MID1: variants seen among roughly 807,000 people sequenced by gnomAD.
The protein encoded by MID1 is E3 ubiquitin-protein ligase Midline-1.
MID1 carries 7 observed loss-of-function variants against 40.4 expected under a neutral mutation model. The ratio of observed to expected loss-of-function variants is 0.17; its 90% CI spans 0.10 to 0.33. The LOEUF is 0.33. Among genes scored for constraint, MID1 ranks in the 10% least tolerant of loss-of-function variants. The pLI is 1.00. For missense variants in MID1, 367 were observed against 558.5 expected, an observed-to-expected ratio of 0.66 and a Z score of 3.46; for synonymous variants, 229 against 221.2, an observed-to-expected ratio of 1.04 and a Z score of -0.31.
intron 3 of MID1, among the ~76,000 whole-genome samples, chrX:10,513,633 C>T (rs1014317971): frequency 1.8e-5 from 2 of 111,865 alleles, no homozygotes; most frequent in South Asian, 3.8e-4. Flanking sequence ...CTCAGCCTCT[C>T]GAGCAGCTGG....
At chrX:10,691,673 A>G (rs1398887846) in intron 1 of MID1, among the ~76,000 whole-genome samples, 1 of 111,991 alleles carries the variant, frequency 8.9e-6, no homozygotes, top group Non-Finnish European at 1.9e-5. Context: ...ACAATATGAA[A>G]TCAGTGCACC....
chrX:10,463,374 T>C (rs926269671), intron 7 of MID1, among the ~76,000 whole-genome samples: 4 of 111,625 alleles, frequency 3.6e-5, no homozygotes, highest in African/African-American at 1.3e-4. Context: ...CAGTAAAAGA[T>C]TTTCTAGTGA....
chrX:10,666,867 G>A (rs2042954356), intron 1 of MID1, among the ~76,000 whole-genome samples: 2 of 111,901 alleles, frequency 1.8e-5, no homozygotes, highest in Non-Finnish European at 1.9e-5. Flanking sequence ...AAAGGCAGGG[G>A]CTTAAATATG....
chrX:10,461,277 G>GTAAT (rs1328509856), intron 7 of MID1, among the ~76,000 whole-genome samples: 2 of 106,285 alleles, frequency 1.9e-5, no homozygotes, highest in African/African-American at 3.5e-5. Flanking sequence ...AAGCAAGAAT[G>GTAAT]TAATTTAGGA....
chrX:10,568,921 T>C (rs868752374), intron 1 of MID1, among the ~76,000 whole-genome samples: 1 of 111,537 alleles, frequency 9.0e-6, no homozygotes, highest in East Asian at 2.8e-4. Context: ...ATGCAGCCCA[T>C]TGCAGGCTGT....
chrX:10,559,298 A>G (rs1215008127), intron 2 of MID1, among the ~76,000 whole-genome samples: 1 of 112,320 alleles, frequency 8.9e-6, no homozygotes, highest in African/African-American at 3.2e-5. Context: ...ATACATATCT[A>G]TATTGCAGAC....
chrX:10,799,063 C>T (rs2043987425), intron 1 of MID1, among the ~76,000 whole-genome samples: 1 of 111,360 alleles, frequency 9.0e-6, no homozygotes, highest in South Asian at 3.8e-4. Context: ...AATCAACCTT[C>T]TAAAATGTCT....
At chrX:10,758,602 T>C (rs929357657) in intron 1 of MID1, among the ~76,000 whole-genome samples, 65 of 102,627 alleles carry the variant, frequency 6.3e-4, no homozygotes, top group African/African-American at 2.1e-3. Flanking sequence ...GCCATTCTCC[T>C]GCCTCAGCCT....
At chrX:10,663,656 C>T (rs923866486) in intron 1 of MID1, among the ~76,000 whole-genome samples, 1 of 110,855 alleles carries the variant, frequency 9.0e-6, no homozygotes, top group African/African-American at 3.3e-5. Flanking sequence ...CCGTGTAAGA[C>T]TGAGCCAAAG....
chrX:10,590,087 T>G, intron 1 of MID1, among the ~76,000 whole-genome samples: 1 of 110,051 alleles, frequency 9.1e-6, no homozygotes, highest in South Asian at 4.0e-4. Context: ...GTGGTTAGAG[T>G]GAAACAGAAC....
chrX:10,550,250 C>T (rs1205119046), intron 2 of MID1, among the ~76,000 whole-genome samples: 2 of 112,612 alleles, frequency 1.8e-5, no homozygotes, highest in African/African-American at 3.2e-5. Context: ...GTCTCTGACA[C>T]AGACGGCTAC....
intron 1 of MID1, among the ~76,000 whole-genome samples, chrX:10,644,298 TA>T (rs1221616445): frequency 9.1e-6 from 1 of 109,839 alleles, no homozygotes; most frequent in Non-Finnish European, 1.9e-5. Flanking sequence ...CTGCTCTCAT[TA>T]AAAAAAAGAA....
At chrX:10,481,439 CATTT>C (rs1190296676) in intron 5 of MID1, among the ~76,000 whole-genome samples, 1 of 111,514 alleles carries the variant, frequency 9.0e-6, no homozygotes, top group African/African-American at 3.3e-5. Context: ...TTTGTTTTTT[CATTT>C]ATTTATTTTT....
chrX:10,643,944 G>A (rs1936233389), intron 1 of MID1, among the ~76,000 whole-genome samples: 1 of 109,264 alleles, frequency 9.2e-6, no homozygotes, highest in South Asian at 4.1e-4. Flanking sequence ...TCATAGGTGG[G>A]AATTGAACAA....
chrX:10,518,015 C>T (rs1602338089), intron 3 of MID1, among the ~76,000 whole-genome samples: 1 of 112,009 alleles, frequency 8.9e-6, no homozygotes, highest in African/African-American at 3.2e-5. Flanking sequence ...GTGGGTACTC[C>T]AACCGCACTA....
chrX:10,827,585 C>A (rs1156672694), intron 1 of MID1, among the ~76,000 whole-genome samples: 1 of 108,671 alleles, frequency 9.2e-6, no homozygotes, highest in Non-Finnish European at 1.9e-5. Flanking sequence ...CCCCACCAAG[C>A]GCGCTGGTTC....
At chrX:10,574,934 A>G (rs1311607817) in intron 1 of MID1, among the ~76,000 whole-genome samples, 1 of 112,622 alleles carries the variant, frequency 8.9e-6, no homozygotes, top group African/African-American at 3.2e-5. Flanking sequence ...TCTGGACTAT[A>G]GAGACTAACT....
chrX:10,628,222 T>G (rs920264399), intron 1 of MID1, among the ~76,000 whole-genome samples: 2 of 111,033 alleles, frequency 1.8e-5, no homozygotes, highest in African/African-American at 3.3e-5. Flanking sequence ...CTTTCTTATA[T>G]TATTCCCCTG....
At chrX:10,607,508 G>C (rs1204292930) in intron 1 of MID1, among the ~76,000 whole-genome samples, 2 of 112,082 alleles carry the variant, frequency 1.8e-5, no homozygotes, top group Non-Finnish European at 3.8e-5. Flanking sequence ...GGAGAATCTA[G>C]ACTGGATGTT....
Sources: gnomAD v4.1 joint callset for allele counts (sites outside exome capture counted in the v4.1 genomes callset) on GRCh38, gnomAD v4.1.1 for gene constraint, MANE v1.5 for transcripts, NCBI Gene and HGNC (gene_info 2026-07-23, HGNC 2026-07-21) for gene names.